Variants in WWOX observed in about 807,000 individuals in gnomAD.
The protein encoded by WWOX is WW domain-containing oxidoreductase.
WWOX carries 69 observed loss-of-function variants against 46.2 expected under a neutral mutation model. The ratio of observed to expected loss-of-function variants is 1.49; its 90% CI spans 1.23 to 1.82. The LOEUF (loss-of-function observed/expected upper bound fraction) is 1.82, where lower values mean the gene tolerates loss of function less well. WWOX is among the 40% of genes most tolerant of loss of function. WWOX has a pLI of 0.00. For missense variants in WWOX, 919 were observed against 542.6 expected (o/e 1.69, Z -6.89); for synonymous variants, 359 against 202.6 (o/e 1.77, Z -6.56).
intron 2 of WWOX, among the ~76,000 whole-genome samples, chr16:78,109,469 A>G (rs867963609): frequency 6.6e-6 from 1 of 152,212 alleles, no homozygotes; most frequent in South Asian, 2.1e-4. Flanking sequence ...CTGCATATAC[A>G]TATGTTCTTT....
chr16:78,610,051 G>T lies in WWOX; in HGVS notation c.1056+177299G>T, dbSNP rs2738551. Among the ~76,000 whole-genome samples, 1,131 of 150,516 alleles carry T rather than the reference G, an allele frequency of 7.5e-3. 18 individuals are homozygous for T. Among genetic ancestry groups the T allele is most frequent in the Non-Finnish European group, 0.012 (847 of 67,898 alleles). ...GCGAATCCGCTGAATGTCCGATTGC[G>T]ATCTCGCTGGAAAGACTGCTGCTTC... On this transcript the variant is annotated intron_variant, in intron 8 of 8. Coordinates refer to ENST00000566780, the MANE Select transcript of WWOX (RefSeq NM_016373.4).
chr16:78,418,859 G>A (rs2082860262), intron 6 of WWOX, among the ~76,000 whole-genome samples: 2 of 152,004 alleles, frequency 1.3e-5, no homozygotes, highest in Non-Finnish European at 2.9e-5. Context: ...GAAAGATTGA[G>A]TACCGTCCCC....
chr16:78,624,071 C>T (rs568176923), intron 8 of WWOX, among the ~76,000 whole-genome samples: 1 of 152,304 alleles, frequency 6.6e-6, no homozygotes, highest in East Asian at 1.9e-4. Flanking sequence ...AATATATGTC[C>T]TGCTTCTTGA....
intron 8 of WWOX, among the ~76,000 whole-genome samples, chr16:78,811,266 GTAAT>G (rs2051181005): frequency 6.6e-6 from 1 of 152,168 alleles, no homozygotes; most frequent in African/African-American, 2.4e-5. Flanking sequence ...CAATTGCTGA[GTAAT>G]TGATGATCCT....
chr16:78,202,387 G>T (rs1221500495), intron 5 of WWOX, among the ~76,000 whole-genome samples: 1 of 152,196 alleles, frequency 6.6e-6, no homozygotes, highest in Non-Finnish European at 1.5e-5. Context: ...TAGCTGGTCA[G>T]GTTTCTTAAA....
At chr16:78,574,077 C>T (rs2044786144) in intron 8 of WWOX, among the ~76,000 whole-genome samples, 1 of 152,194 alleles carries the variant, frequency 6.6e-6, no homozygotes, top group African/African-American at 2.4e-5. Flanking sequence ...CTCGGCCTGG[C>T]TTCTTGCTGA....
chr16:79,012,394 A>G (rs1438903161), intron 8 of WWOX, among the ~76,000 whole-genome samples: 1 of 152,142 alleles, frequency 6.6e-6, no homozygotes, highest in East Asian at 1.9e-4. Flanking sequence ...CACCACGCCC[A>G]GCTAATTTTT....
In WWOX at chr16:78,597,468, G is replaced by C. The variant is rs11860887; in HGVS notation, c.1056+164716G>C. Among the ~76,000 whole-genome samples the C allele has an allele frequency of 6.6e-3, 1,010 of 152,132 alleles. 17 individuals are homozygous for C. The highest frequency in any genetic ancestry group is 0.023 in the African/African-American group (965 of 41,494). On this transcript the variant is annotated intron_variant, in intron 8 of 8. Coordinates refer to ENST00000566780, the MANE Select transcript of WWOX (RefSeq NM_016373.4). ...GCACCATTTTCTGAGCAATGTCTTT[G>C]GTCCACCATTAAGCATTTGTGGCCG...
At chr16:78,784,548 C>T (rs2050408568) in intron 8 of WWOX, among the ~76,000 whole-genome samples, 1 of 151,978 alleles carries the variant, frequency 6.6e-6, no homozygotes, top group African/African-American at 2.4e-5. Flanking sequence ...GCTCAGTCTC[C>T]TCATCTACAA....
At chr16:79,122,922 G>A (rs1456358099) in intron 8 of WWOX, among the ~76,000 whole-genome samples, 3 of 152,210 alleles carry the variant, frequency 2.0e-5, no homozygotes, top group Non-Finnish European at 4.4e-5. Context: ...CTCTGAGGCA[G>A]CAATGGGACC....
chr16:78,267,231 CCA>C (rs2079385939), intron 5 of WWOX: 1 of 152,102 alleles, frequency 6.6e-6, no homozygotes. Flanking sequence ...ACACATGTAC[CCA>C]CACACACGTA....
At chr16:78,623,408 G>C (rs1040546101) in intron 8 of WWOX, among the ~76,000 whole-genome samples, 1 of 152,192 alleles carries the variant, frequency 6.6e-6, no homozygotes, top group African/African-American at 2.4e-5. Flanking sequence ...GGCCAGACAC[G>C]GTGGCTCATG....
chr16:79,126,638 T>C (rs546857573), intron 8 of WWOX, among the ~76,000 whole-genome samples: 1 of 152,242 alleles, frequency 6.6e-6, no homozygotes, highest in South Asian at 2.1e-4. Context: ...AACTACCCAG[T>C]CTCAGGTATT....
chr16:79,050,630 G>C lies in WWOX; in HGVS notation c.1057-160978G>C, dbSNP rs192120722. On this transcript the variant is annotated intron_variant, in intron 8 of 8. Coordinates refer to ENST00000566780, the MANE Select transcript of WWOX (RefSeq NM_016373.4). Reference sequence around the variant, plus strand: ...GACCCAAGACTGCACTTGTATTTGAGTTGCATAAGAAGCTGCTGAGGAATT... The same window carrying C: ...GACCCAAGACTGCACTTGTATTTGACTTGCATAAGAAGCTGCTGAGGAATT... 1.3e-3 allele frequency among the ~76,000 whole-genome samples: 197 copies of C among 152,286 alleles called. 1 individual carries two copies. Among genetic ancestry groups the C allele is most frequent in the African/African-American group, 4.3e-3 (179 of 41,550 alleles).
rs1045774998 is a variant in WWOX, at chr16:78,642,014, G to C, written c.1056+209262G>C. Reference sequence around the variant, plus strand: ...AAAATGCAAAGAGGGGGAAAAAGAAGAAAAACAGCAACGAGTTTATTGGAG... The same window carrying C: ...AAAATGCAAAGAGGGGGAAAAAGAACAAAAACAGCAACGAGTTTATTGGAG... On this transcript the variant is annotated intron_variant, in intron 8 of 8. Coordinates refer to ENST00000566780, the MANE Select transcript of WWOX (RefSeq NM_016373.4). Among the ~76,000 whole-genome samples, 3 of 152,130 alleles carry C rather than the reference G, an allele frequency of 2.0e-5. No individual in the cohort carries two copies. In the East Asian group the frequency reaches 5.8e-4, roughly 29 times the overall value.
intron 8 of WWOX, among the ~76,000 whole-genome samples, chr16:78,489,072 T>C (rs747130496): frequency 1.3e-5 from 2 of 152,200 alleles, no homozygotes; most frequent in Non-Finnish European, 2.9e-5. Flanking sequence ...GTTATCTGCT[T>C]ACCTTTCTAG....
intron 6 of WWOX, among the ~76,000 whole-genome samples, chr16:78,423,641 A>G (rs1322894628): frequency 1.3e-5 from 2 of 152,100 alleles, no homozygotes; most frequent in African/African-American, 2.4e-5. Flanking sequence ...CACCTTGACC[A>G]CCTTGGGCAA....
chr16:79,028,105 G>C (rs1009439093), intron 8 of WWOX, among the ~76,000 whole-genome samples: 2 of 151,576 alleles, frequency 1.3e-5, no homozygotes, highest in African/African-American at 2.4e-5. Flanking sequence ...CACCTGCCAC[G>C]ACGCCTGGCT....
At chr16:79,092,020 C>T (rs900216476) in intron 8 of WWOX, among the ~76,000 whole-genome samples, 7 of 151,958 alleles carry the variant, frequency 4.6e-5, no homozygotes, top group Non-Finnish European at 1.0e-4. Flanking sequence ...ACCTCGTGAT[C>T]TTTTCTCGCC....
Sources: gnomAD v4.1 joint callset for allele counts (sites outside exome capture counted in the v4.1 genomes callset) on GRCh38, gnomAD v4.1.1 for gene constraint, MANE v1.5 for transcripts, NCBI Gene and HGNC (gene_info 2026-07-23, HGNC 2026-07-21) for gene names.